The following CPM variants were observed in gnomAD, a reference collection of about 807,000 sequenced individuals.
CPM encodes carboxypeptidase M.
A neutral mutation model predicts 46.4 loss-of-function variants in CPM; 35 were observed. The ratio of observed to expected loss-of-function variants is 0.75; its 90% CI spans 0.58 to 1.00. The LOEUF is 1.00. CPM is among the 50% of genes least tolerant of loss of function. The pLI is 0.00. For synonymous variants in CPM, 195 were observed against 195.3 expected (o/e 1.00, Z 0.01); for missense variants, 422 against 530.4 (o/e 0.80, Z 2.01).
At chr12:68,963,400 T>C (rs141762475), upstream of CPM, 1,190 of 152,974 alleles carry the variant, frequency 7.8e-3, 12 homozygotes, top group South Asian at 0.037. Flanking sequence ...TCCTCTGTCT[T>C]CATTCTGAAG....
At chr12:68,898,742 C>CA (rs1354895479) in intron 2 of CPM, among the ~76,000 whole-genome samples, 2 of 152,184 alleles carry the variant, frequency 1.3e-5, no homozygotes, top group Non-Finnish European at 1.5e-5. Flanking sequence ...ATCAAAGTGT[C>CA]AGAGCTAAAA....
At chr12:68,916,819 C>T (rs908457410) in intron 2 of CPM, among the ~76,000 whole-genome samples, 12 of 144,686 alleles carry the variant, frequency 8.3e-5, no homozygotes, top group East Asian at 2.0e-4. Flanking sequence ...ACTCAGGAAG[C>T]GGAGGTTGCA....
At chr12:68,949,459 G>C (rs1429933372) in intron 1 of CPM, among the ~76,000 whole-genome samples, 1 of 152,168 alleles carries the variant, frequency 6.6e-6, no homozygotes, top group Non-Finnish European at 1.5e-5. Flanking sequence ...CTGTGGTTTG[G>C]TGTTTAAAGT....
Position 68,870,265 on chromosome 12 carries a change from AG to A in CPM, c.565del (p.Leu189SerfsTer27). 6.2e-7 allele frequency: 1 copy of A among 1,614,162 alleles called. No homozygotes were observed. The highest frequency in any genetic ancestry group is 8.5e-7 in the Non-Finnish European group (1 of 1,180,020). On this transcript the variant is annotated frameshift_variant, in exon 5 of 9. Coordinates refer to ENST00000551568, the MANE Select transcript of CPM (RefSeq NM_198320.5). LOFTEE classifies it high-confidence loss of function. Reference sequence around the variant, plus strand: ...ACTGGCCACGAGGGCACCACCATGGAGGTTTGCAGAGAGGACAAACGTCTCT... The same window carrying A: ...ACTGGCCACGAGGGCACCACCATGGAGTTTGCAGAGAGGACAAACGTCTCT... Reference protein sequence around the residue: ...KTETFVLSANLHGGALVASYP... With the variant: ...KTETFVLSANXHGGALVASYP...
At chr12:68,923,985 G>A (rs1165596694) in intron 2 of CPM, among the ~76,000 whole-genome samples, 1 of 152,036 alleles carries the variant, frequency 6.6e-6, no homozygotes, top group Non-Finnish European at 1.5e-5. Flanking sequence ...TCAGATAATT[G>A]TAAGCTCATC....
At chr12:68,952,077 C>T (rs917058410) in intron 1 of CPM, among the ~76,000 whole-genome samples, 14 of 151,994 alleles carry the variant, frequency 9.2e-5, no homozygotes, top group African/African-American at 3.4e-4. Context: ...TATCTGGGGG[C>T]CAGAAGGACT....
chr12:68,892,017 G>A (rs544644999), intron 2 of CPM, among the ~76,000 whole-genome samples: 15 of 152,256 alleles, frequency 9.9e-5, no homozygotes, highest in South Asian at 4.1e-4. Flanking sequence ...GATTACAGGC[G>A]TGAGCCACTT....
exon 6 of CPM, chr12:68,842,224 A>G (rs1368110603): frequency 6.0e-6 from 3 of 498,936 alleles, no homozygotes; most frequent in South Asian, 4.6e-5. Flanking sequence ...ATGCCAAGCT[A>G]TATTTATAAT....
chr12:68,958,945 G>A (rs547939032), intron 1 of CPM, among the ~76,000 whole-genome samples: 4 of 152,172 alleles, frequency 2.6e-5, no homozygotes, highest in South Asian at 2.1e-4. Flanking sequence ...CTCCTAAGTC[G>A]TCCCATGTCT....
upstream of CPM, among the ~76,000 whole-genome samples, chr12:68,936,091 G>A (rs1888668726): frequency 6.6e-6 from 1 of 152,186 alleles, no homozygotes; most frequent in African/African-American, 2.4e-5. Flanking sequence ...AGAGGACTGA[G>A]TGCTGAAGGT....
At chr12:68,866,196 C>T (rs1353829880) in intron 7 of CPM, among the ~76,000 whole-genome samples, 1 of 152,066 alleles carries the variant, frequency 6.6e-6, no homozygotes, top group Non-Finnish European at 1.5e-5. Context: ...CTTGGTACTG[C>T]GTGGTGAGTG....
intron 2 of CPM, among the ~76,000 whole-genome samples, chr12:68,901,598 C>T (rs548458651): frequency 5.9e-5 from 9 of 152,244 alleles, no homozygotes; most frequent in South Asian, 2.1e-4. Context: ...TAAAATCATA[C>T]GATTTATGGG....
chr12:68,932,955 C>T, intron 1 of CPM, 115 bp from the exon 2 acceptor site: 1 of 939,398 alleles, frequency 1.1e-6, no homozygotes. Context: ...CGCTCCCTGC[C>T]TCCTAAGGAG....
intron 5 of CPM, chr12:68,842,340 A>C: frequency 2.0e-6 from 1 of 495,990 alleles, no homozygotes; most frequent in African/African-American, 1.9e-5. Flanking sequence ...CTGGAAGAAA[A>C]GATGATATAA....
rs941241838 is a variant in CPM, at chr12:68,852,948, T to C, written c.*3489A>G. 1 of 152,126 alleles carries C rather than the reference T, an allele frequency of 6.6e-6. No individual in the cohort carries two copies. The highest frequency in any genetic ancestry group is 6.6e-5 in the Admixed American group (1 of 15,260). The allele number at this position is 152,126 out of a possible 1,614,324, so 9.4% of individuals were successfully genotyped here. The stretch of plus-strand genomic sequence containing the variant: ...GTTGGTTTCTCTATAAAAGGAATTA[T>C]AGCTGAACTAGAGCTGGAGGAGCAT... On this transcript the variant is annotated 3_prime_UTR_variant, in exon 9 of 9. Coordinates refer to ENST00000551568, the MANE Select transcript of CPM (RefSeq NM_198320.5).
intron 2 of CPM, among the ~76,000 whole-genome samples, chr12:68,913,400 G>A (rs992070881): frequency 6.6e-6 from 1 of 152,138 alleles, no homozygotes; most frequent in Non-Finnish European, 1.5e-5. Context: ...AAGGATGTGG[G>A]TGTGGGGAGG....
At position 68,871,896 on chromosome 12, in the gene CPM, C is replaced by G; in HGVS notation, c.319G>C (p.Asp107His). ...IDYLVTSDGKDPEITNLINST... is the reference protein window; with the variant it reads ...IDYLVTSDGKHPEITNLINST... ...TTGATCAGATTTGTGATTTCAGGGT[C>G]TTTGCCATCACTGGTTACGAGATAG... Residue 107 changes from aspartate (D) to histidine (H), a missense_variant, in exon 4 of 9, where the codon GAC (aspartate) becomes CAC (histidine). Physicochemically the swap from Asp to His is moderately conservative, Grantham distance 81 (BLOSUM62 -1). Transcript: ENST00000551568. The G allele has an allele frequency of 6.2e-7, 1 of 1,614,128 alleles. No individual in the cohort carries two copies. The highest frequency in any genetic ancestry group is 8.5e-7 in the Non-Finnish European group (1 of 1,180,020).
At chr12:68,946,192 G>GT (rs556603191) in intron 1 of CPM, among the ~76,000 whole-genome samples, 2 of 151,656 alleles carry the variant, frequency 1.3e-5, no homozygotes, top group East Asian at 1.9e-4. Flanking sequence ...CATGCTATAG[G>GT]TTTTTTTTGA....
chr12:68,902,549 G>T (rs1294287167), intron 2 of CPM, among the ~76,000 whole-genome samples: 1 of 152,190 alleles, frequency 6.6e-6, no homozygotes, highest in Non-Finnish European at 1.5e-5. Flanking sequence ...GGATAGCAGA[G>T]GGGTGGCATA....
Sources: allele counts gnomAD v4.1 joint callset (sites outside exome capture counted in the v4.1 genomes callset), GRCh38; gene constraint gnomAD v4.1.1; transcripts MANE v1.5; gene names NCBI Gene and HGNC (gene_info 2026-07-23, HGNC 2026-07-21).